The following PRKG1 variants were observed in gnomAD, a reference collection of about 807,000 sequenced individuals.
PRKG1 encodes the protein protein kinase cGMP-dependent 1, also known as cGMP-dependent protein kinase 1.
In PRKG1, 35 loss-of-function variants were observed where a neutral mutation model predicts 88.1. The ratio of observed to expected loss-of-function variants is 0.40; its 90% CI spans 0.30 to 0.53. The LOEUF is 0.53. Ranked by LOEUF, PRKG1 falls within the 20% of genes least tolerant of loss-of-function variation. The probability of loss-of-function intolerance (pLI) is 0.59; values close to 1 mark genes in which losing one functional copy is unlikely to be tolerated. For missense variants in PRKG1, 540 were observed against 839.8 expected, an observed-to-expected ratio of 0.64 and a Z score of 4.41; for synonymous variants, 303 against 292.5, an observed-to-expected ratio of 1.04 and a Z score of -0.37.
intron 2 of PRKG1, among the ~76,000 whole-genome samples, chr10:51,186,946 G>A (rs1837502112): frequency 8.6e-6 from 1 of 115,608 alleles, no homozygotes; most frequent in Admixed American, 9.7e-5. Context: ...GTTTTGCAAG[G>A]CCCTGTGTTA....
intron 4 of PRKG1, among the ~76,000 whole-genome samples, chr10:51,896,154 A>G (rs943699534): frequency 3.3e-4 from 51 of 152,304 alleles, no homozygotes; most frequent in African/African-American, 1.1e-3. Flanking sequence ...TTAAAAATGA[A>G]GAAAAGGATA....
chr10:52,204,359 T>G (rs1839759313), intron 9 of PRKG1, among the ~76,000 whole-genome samples: 1 of 152,118 alleles, frequency 6.6e-6, no homozygotes, highest in South Asian at 2.1e-4. Context: ...GTGCTAGGAT[T>G]ACAGGTGTGA....
At position 51,550,386 on chromosome 10, in the gene PRKG1, G is replaced by GT. The variant is rs548586094; in HGVS notation, c.592+82558dup. ...TTTGCTGTCTTCTTTTTTAAAATTAGTTTTTTTTATGAAATCTCCATATAA... is the reference window on the plus strand; with the variant it reads ...TTTGCTGTCTTCTTTTTTAAAATTAGTTTTTTTTTATGAAATCTCCATATAA... On this transcript the variant is annotated intron_variant, in intron 3 of 17. Coordinates refer to ENST00000373980, the MANE Select transcript of PRKG1 (RefSeq NM_006258.4). Among the ~76,000 whole-genome samples the GT allele has an allele frequency of 2.3e-4, 35 of 151,744 alleles. No individual in the cohort carries two copies. In the South Asian group the frequency reaches 3.1e-3, roughly 14 times the overall value.
chr10:51,896,017 C>T (rs1841836132), intron 4 of PRKG1, among the ~76,000 whole-genome samples: 2 of 152,090 alleles, frequency 1.3e-5, no homozygotes, highest in Non-Finnish European at 2.9e-5. Flanking sequence ...TGCTCCCCAC[C>T]TTTTGGACAT....
At chr10:51,104,047 A>G (rs1844754078) in intron 1 of PRKG1, among the ~76,000 whole-genome samples, 1 of 152,188 alleles carries the variant, frequency 6.6e-6, no homozygotes, top group Admixed American at 6.5e-5. Flanking sequence ...AGGAAGACAT[A>G]GATGGGAAGT....
intron 9 of PRKG1, among the ~76,000 whole-genome samples, chr10:52,226,064 C>G (rs1457290300): frequency 7.1e-6 from 1 of 140,102 alleles, no homozygotes; most frequent in Non-Finnish European, 1.5e-5. Flanking sequence ...GTCCACTGTT[C>G]CATCCTCAGC....
Position 51,454,547 on chromosome 10 carries a change from G to A in PRKG1, c.479-13176G>A, listed in dbSNP as rs141587506. Among the ~76,000 whole-genome samples the A allele has an allele frequency of 5.4e-3, 823 of 152,294 alleles. 3 individuals carry two copies. The highest frequency in any genetic ancestry group is 0.02 in the Middle Eastern group (6 of 294). ...ACACTGATAATAAAGACATACCTGA[G>A]ACTGGGTAATTTATAAGGAAAAGAG... On this transcript the variant is annotated intron_variant, in intron 2 of 17. Coordinates refer to ENST00000373980, the MANE Select transcript of PRKG1 (RefSeq NM_006258.4).
chr10:51,530,520 A>G (rs1248740328), intron 3 of PRKG1, among the ~76,000 whole-genome samples: 2 of 152,204 alleles, frequency 1.3e-5, no homozygotes, highest in Non-Finnish European at 2.9e-5. Context: ...CACTCTTGTT[A>G]TTAAATCTCC....
intron 9 of PRKG1, among the ~76,000 whole-genome samples, chr10:52,239,355 AAAG>A (rs934301777): frequency 8.3e-5 from 9 of 108,920 alleles, no homozygotes; most frequent in Admixed American, 9.7e-5. Flanking sequence ...TAAAAAAAAA[AAAG>A]AGATTCCTTT....
At chr10:52,279,689 C>T (rs1841956604) in intron 12 of PRKG1, among the ~76,000 whole-genome samples, 2 of 152,006 alleles carry the variant, frequency 1.3e-5, no homozygotes, top group African/African-American at 4.8e-5. Flanking sequence ...TGCAAACAGG[C>T]ATCAGAGACT....
chr10:52,262,108 G>T (rs953880208), intron 10 of PRKG1, among the ~76,000 whole-genome samples: 6 of 152,074 alleles, frequency 3.9e-5, no homozygotes, highest in Non-Finnish European at 8.8e-5. Context: ...CTTAAAAACA[G>T]ATTTAATTAT....
intron 1 of PRKG1, among the ~76,000 whole-genome samples, chr10:51,009,933 C>G (rs1842975365): frequency 6.6e-6 from 1 of 152,188 alleles, no homozygotes; most frequent in Non-Finnish European, 1.5e-5. Context: ...CATACGCCTG[C>G]TATCAGAGAT....
intron 3 of PRKG1, among the ~76,000 whole-genome samples, chr10:51,724,337 T>G (rs937752250): frequency 6.6e-6 from 1 of 152,212 alleles, no homozygotes; most frequent in Non-Finnish European, 1.5e-5. Context: ...TGGTGAACTA[T>G]TCTTGGTTAG....
At chr10:51,176,506 T>G (rs922419002) in intron 2 of PRKG1, among the ~76,000 whole-genome samples, 2 of 152,168 alleles carry the variant, frequency 1.3e-5, no homozygotes, top group African/African-American at 4.8e-5. Flanking sequence ...ATGTACCTAG[T>G]ACTGTGTGGA....
chr10:51,709,648 A>G (rs1055997423), intron 3 of PRKG1, among the ~76,000 whole-genome samples: 4 of 152,320 alleles, frequency 2.6e-5, no homozygotes, highest in African/African-American at 9.6e-5. Context: ...TGATGCCTGC[A>G]GGGAGAATAA....
At chr10:51,991,079 T>A (rs1488410365) in intron 5 of PRKG1, among the ~76,000 whole-genome samples, 1 of 152,188 alleles carries the variant, frequency 6.6e-6, no homozygotes, top group East Asian at 1.9e-4. Context: ...CATTTCTAAG[T>A]GTCTTTTTTA....
intron 2 of PRKG1, among the ~76,000 whole-genome samples, chr10:51,363,706 C>A (rs1842532768): frequency 6.6e-6 from 1 of 151,842 alleles, no homozygotes; most frequent in South Asian, 2.1e-4. Context: ...TGAGTCTTTT[C>A]ACCATGACTC....
At chr10:51,716,496 G>A (rs1377846485) in intron 3 of PRKG1, among the ~76,000 whole-genome samples, 2 of 152,116 alleles carry the variant, frequency 1.3e-5, no homozygotes, top group East Asian at 3.8e-4. Flanking sequence ...TACTTAAAGT[G>A]TTTCCTGGAA....
At chr10:51,195,925 C>T (rs1320603076) in intron 2 of PRKG1, among the ~76,000 whole-genome samples, 1 of 152,122 alleles carries the variant, frequency 6.6e-6, no homozygotes, top group Non-Finnish European at 1.5e-5. Context: ...TTGTGGATGA[C>T]TTTATGTTTA....
Sources: allele counts gnomAD v4.1 joint callset (sites outside exome capture counted in the v4.1 genomes callset), GRCh38; gene constraint gnomAD v4.1.1; transcripts MANE v1.5; gene names NCBI Gene and HGNC (gene_info 2026-07-23, HGNC 2026-07-21).